R3HDM1: variants seen among roughly 807,000 people sequenced by gnomAD.
R3HDM1 encodes the protein R3H domain containing 1.
Under a neutral mutation model 141.1 loss-of-function variants are expected in R3HDM1, and 46 were observed. That is an observed-to-expected ratio of 0.33 (90% CI 0.26 to 0.42). R3HDM1 has a LOEUF of 0.42. Ranked by LOEUF, R3HDM1 falls within the 10% of genes least tolerant of loss-of-function variation. The pLI, the probability that R3HDM1 is intolerant of heterozygous loss-of-function variation, is 1.00. For missense variants in R3HDM1, 1,184 were observed against 1,368.3 expected (o/e 0.87, Z 2.12); for synonymous variants, 435 against 472.9 (o/e 0.92, Z 1.04).
At chr2:135,706,940 C>A (rs1372099260) in intron 21 of R3HDM1, among the ~76,000 whole-genome samples, 4 of 152,026 alleles carry the variant, frequency 2.6e-5, no homozygotes, top group Admixed American at 1.3e-4. Flanking sequence ...CTCCTCACTT[C>A]CCAGTAGGGG....
chr2:135,618,240 T>C (rs1414246225), intron 5 of R3HDM1, among the ~76,000 whole-genome samples: 3 of 151,498 alleles, frequency 2.0e-5, no homozygotes, highest in Non-Finnish European at 4.4e-5. Flanking sequence ...CTCAGCCCAC[T>C]GCAACCTCCG....
intron 3 of R3HDM1, chr2:135,607,717 C>A: frequency 2.8e-6 from 1 of 361,130 alleles, no homozygotes; most frequent in Non-Finnish European, 3.9e-6. Context: ...GCATTTCCTA[C>A]CATGTCTATT....
At chr2:135,622,813 G>A (rs1052542747) in intron 7 of R3HDM1, 81 bp downstream of exon 7, 7 of 1,419,204 alleles carry the variant, frequency 4.9e-6, no homozygotes, top group South Asian at 1.5e-5. Flanking sequence ...TTGAGTTAGA[G>A]TAATAGAATA....
chr2:135,543,958 C>T (rs889772437), intron 1 of R3HDM1, among the ~76,000 whole-genome samples: 2 of 152,222 alleles, frequency 1.3e-5, no homozygotes, highest in African/African-American at 4.8e-5. Flanking sequence ...TTTGGAAACT[C>T]AGAGACCTAA....
intron 14 of R3HDM1, among the ~76,000 whole-genome samples, chr2:135,640,789 C>T (rs937686954): frequency 2.6e-5 from 4 of 151,978 alleles, no homozygotes; most frequent in African/African-American, 9.7e-5. Context: ...CTTTTTTAGC[C>T]ATTATGCTAA....
chr2:135,623,749 A>G (rs544979306), intron 7 of R3HDM1, among the ~76,000 whole-genome samples: 2 of 152,340 alleles, frequency 1.3e-5, no homozygotes, highest in South Asian at 2.1e-4. Flanking sequence ...ATTGTGCTAA[A>G]CATTGTAGAT....
At chr2:135,532,286 G>A (rs181044044) in intron 1 of R3HDM1, among the ~76,000 whole-genome samples, 4 of 152,358 alleles carry the variant, frequency 2.6e-5, no homozygotes, top group East Asian at 1.9e-4. Context: ...ACGGTCCCCC[G>A]GGATCAGATT....
intron 19 of R3HDM1, chr2:135,667,304 G>C: frequency 1.2e-6 from 1 of 823,114 alleles, no homozygotes; most frequent in Non-Finnish European, 1.5e-6. Flanking sequence ...TTAGCTTGCA[G>C]AATTGATTGT....
intron 1 of R3HDM1, among the ~76,000 whole-genome samples, chr2:135,540,578 A>T (rs910052454): frequency 1.3e-4 from 20 of 151,892 alleles, no homozygotes; most frequent in Non-Finnish European, 5.9e-5. Context: ...GTCTATTTTT[A>T]TTTATTTATT....
intron 1 of R3HDM1, among the ~76,000 whole-genome samples, chr2:135,582,256 G>A (rs57325401): frequency 0.044 from 6,754 of 152,172 alleles, 502 homozygotes; most frequent in African/African-American, 0.16. Context: ...ACTTGAACCC[G>A]GGAGGCGGAG....
chr2:135,658,492 G>A (rs1309755571), intron 18 of R3HDM1, among the ~76,000 whole-genome samples: 4 of 152,094 alleles, frequency 2.6e-5, no homozygotes, highest in Non-Finnish European at 4.4e-5. Context: ...ATGGAACACC[G>A]ATATAGTGCA....
intron 1 of R3HDM1, among the ~76,000 whole-genome samples, chr2:135,598,937 T>A (rs2059405392): frequency 1.3e-5 from 2 of 152,222 alleles, no homozygotes; most frequent in Non-Finnish European, 2.9e-5. Context: ...GTTTATGTTC[T>A]ATTTTATTAT....
chr2:135,667,384 T>C (rs1324290695), intron 19 of R3HDM1, among the ~76,000 whole-genome samples: 1 of 121,906 alleles, frequency 8.2e-6, no homozygotes, highest in African/African-American at 3.9e-5. Flanking sequence ...CAAAACAGAA[T>C]GGTAGTGTTT....
chr2:135,714,844 T>G (rs1006052797), intron 23 of R3HDM1, among the ~76,000 whole-genome samples: 1 of 152,152 alleles, frequency 6.6e-6, no homozygotes, highest in African/African-American at 2.4e-5. Context: ...GGGAATTCTT[T>G]TACAATCTTA....
In R3HDM1 at chr2:135,641,702, A is replaced by G; in HGVS notation, c.1386A>G (p.Gln462=). Residue 462 remains glutamine, a synonymous_variant, in exon 15 of 27, where the codon CAA becomes CAG. Transcript: ENST00000683871. The stretch of plus-strand genomic sequence containing the variant: ...CCTTTGATGGTGGCCTAAATGGGCA[A>G]GTCGCATCTCCTAGCACTAGCTTCT... ...SLSFDGGLNG[Q]VASPSTSFFL... is the part of the protein sequence containing the mutation. 6.2e-7 allele frequency: 1 copy of G among 1,614,180 alleles called. No homozygotes were observed. Among genetic ancestry groups the G allele is most frequent in the South Asian group, 1.1e-5 (1 of 91,082 alleles).
At chr2:135,645,989 C>G (rs950116554) in intron 16 of R3HDM1, among the ~76,000 whole-genome samples, 1 of 152,108 alleles carries the variant, frequency 6.6e-6, no homozygotes, top group Non-Finnish European at 1.5e-5. Flanking sequence ...TTAGAATTCC[C>G]AAAAGTACTC....
intron 5 of R3HDM1, among the ~76,000 whole-genome samples, chr2:135,619,021 CAAAAAAAA>C (rs34537777): frequency 2.0e-4 from 22 of 112,284 alleles, no homozygotes; most frequent in African/African-American, 6.2e-4. Context: ...ACTCTTATCT[CAAAAAAAA>C]AAAAAAAAAA....
chr2:135,652,064 G>A lies in R3HDM1; in HGVS notation c.2028+32G>A, dbSNP rs763569373. ...TGCTTTTTAACCTTTTCTTTCTTGT[G>A]GAAACCTCTCACTTAAGATCAGTTT... On this transcript the variant is annotated intron_variant, in intron 18 of 26. Transcript: ENST00000683871. The A allele has an allele frequency of 3.3e-6, 5 of 1,518,100 alleles. No individual in the cohort carries two copies. In the South Asian group the frequency reaches 4.1e-5, roughly 12 times the overall value. The allele number at this position is 1,518,100 out of a possible 1,614,324, so 94.0% of individuals were successfully genotyped here. A position where few individuals can be genotyped will look rare whatever the true frequency, so the allele number is the denominator to read the frequency against.
At chr2:135,653,054 TAAA>T (rs529959315) in intron 18 of R3HDM1, among the ~76,000 whole-genome samples, 1 of 139,140 alleles carries the variant, frequency 7.2e-6, no homozygotes, top group Admixed American at 7.2e-5. Context: ...TTGATGTTCT[TAAA>T]AAAAAAAAAA....
Sources: gnomAD v4.1 joint callset for allele counts (sites outside exome capture counted in the v4.1 genomes callset) on GRCh38, gnomAD v4.1.1 for gene constraint, MANE v1.5 for transcripts, NCBI Gene and HGNC (gene_info 2026-07-23, HGNC 2026-07-21) for gene names.